PDE8A: variants seen among roughly 807,000 people sequenced by gnomAD.
The protein encoded by PDE8A is high affinity cAMP-specific and IBMX-insensitive 3',5'-cyclic phosphodiesterase 8A.
A neutral mutation model predicts 105.0 loss-of-function variants in PDE8A; 59 were observed. That is an observed-to-expected ratio of 0.56 (90% CI 0.46 to 0.70). The LOEUF is 0.70. Ranked by LOEUF, PDE8A falls within the 30% of genes least tolerant of loss-of-function variation. The pLI, the probability that PDE8A is intolerant of heterozygous loss-of-function variation, is 0.00. For synonymous variants in PDE8A, 355 were observed against 371.9 expected, an observed-to-expected ratio of 0.95 and a Z score of 0.52; for missense variants, 1,014 against 1,045.9, an observed-to-expected ratio of 0.97 and a Z score of 0.42.
intron 6 of PDE8A, among the ~76,000 whole-genome samples, chr15:85,084,491 A>C (rs2081517967): frequency 6.6e-6 from 1 of 152,210 alleles, no homozygotes; most frequent in African/African-American, 2.4e-5. Context: ...AGGAAACTTA[A>C]GGTAGATGGT....
At chr15:85,042,830 T>C (rs2080831293) in intron 1 of PDE8A, among the ~76,000 whole-genome samples, 1 of 152,236 alleles carries the variant, frequency 6.6e-6, no homozygotes, top group African/African-American at 2.4e-5. Context: ...AAGTGAAGCT[T>C]AGCAAAGTGA....
At chr15:85,027,186 T>C (rs946435242) in intron 1 of PDE8A, among the ~76,000 whole-genome samples, 5 of 152,188 alleles carry the variant, frequency 3.3e-5, no homozygotes, top group African/African-American at 9.7e-5. Context: ...GGAGAGTCAG[T>C]GTGCTGCAGA....
intron 1 of PDE8A, among the ~76,000 whole-genome samples, chr15:84,989,592 T>TG (rs2079854629): frequency 6.6e-6 from 1 of 152,184 alleles, no homozygotes; most frequent in African/African-American, 2.4e-5. Context: ...CATCAGGCTT[T>TG]GGCTATGTGA....
At chr15:85,094,030 T>A (rs72759058) in intron 8 of PDE8A, among the ~76,000 whole-genome samples, 14 of 152,260 alleles carry the variant, frequency 9.2e-5, no homozygotes, top group Non-Finnish European at 1.9e-4. Context: ...TGGCTAATTT[T>A]TTAAGCATAT....
intron 6 of PDE8A, among the ~76,000 whole-genome samples, 173 bp downstream of exon 6, chr15:85,083,817 A>G (rs2081505579): frequency 1.3e-5 from 2 of 152,214 alleles, no homozygotes; most frequent in East Asian, 1.9e-4. Flanking sequence ...GATGTCTAAT[A>G]AGGGGTCATT....
At chr15:85,126,747 T>C (rs2082264951) in intron 20 of PDE8A, among the ~76,000 whole-genome samples, 1 of 152,086 alleles carries the variant, frequency 6.6e-6, no homozygotes, top group African/African-American at 2.4e-5. Context: ...CATATGCACA[T>C]GCATATGCAT....
chr15:85,034,422 G>A (rs866951048), intron 1 of PDE8A, among the ~76,000 whole-genome samples: 16 of 152,230 alleles, frequency 1.1e-4, no homozygotes, highest in African/African-American at 2.9e-4. Flanking sequence ...TAAAACAAAT[G>A]TGGAGATTGA....
At chr15:84,997,145 C>G (rs1361821722) in intron 1 of PDE8A, among the ~76,000 whole-genome samples, 1 of 151,980 alleles carries the variant, frequency 6.6e-6, no homozygotes, top group Non-Finnish European at 1.5e-5. Context: ...ATAGCTGTAG[C>G]TAAGTATTTT....
intron 1 of PDE8A, among the ~76,000 whole-genome samples, chr15:85,051,161 C>T (rs2080966674): frequency 6.6e-6 from 1 of 151,980 alleles, no homozygotes; most frequent in Non-Finnish European, 1.5e-5. Context: ...GCCTTTGTGT[C>T]CTGATACTTT....
Position 85,138,540 on chromosome 15 carries a change from C to A in PDE8A, c.*637C>A, listed in dbSNP as rs1280105911. On this transcript the variant is annotated 3_prime_UTR_variant, in exon 22 of 22. Transcript: ENST00000394553. ...TGACCAAATTTACATGATTCATATT[C>A]ATTATGCATTACTTGGTATACAGAC... 6.6e-6 allele frequency: 1 copy of A among 152,606 alleles called. No individual in the cohort carries two copies. The highest frequency in any genetic ancestry group is 1.5e-5 in the Non-Finnish European group (1 of 68,038). 9.5% of individuals were successfully genotyped at this position (152,606 alleles called of 1,614,324 possible). A position where few individuals can be genotyped will look rare whatever the true frequency, so the allele number is the denominator to read the frequency against.
chr15:85,106,846 A>G (rs1019598890), intron 11 of PDE8A, among the ~76,000 whole-genome samples: 1 of 152,216 alleles, frequency 6.6e-6, no homozygotes, highest in Non-Finnish European at 1.5e-5. Context: ...CAGGGGAGCC[A>G]CAGAATCAGA....
chr15:85,073,910 G>A (rs763733950), intron 3 of PDE8A, among the ~76,000 whole-genome samples: 38 of 152,326 alleles, frequency 2.5e-4, no homozygotes, highest in Middle Eastern at 6.8e-3. Context: ...GGGGACCAGG[G>A]TTGAACTGGG....
At chr15:84,985,470 G>T (rs1001909504) in intron 1 of PDE8A, among the ~76,000 whole-genome samples, 3 of 152,080 alleles carry the variant, frequency 2.0e-5, no homozygotes, top group Admixed American at 2.0e-4. Flanking sequence ...ATATTTTCTT[G>T]CCAGTCTTTG....
intron 1 of PDE8A, among the ~76,000 whole-genome samples, chr15:85,017,134 G>A (rs1353396551): frequency 4.0e-5 from 6 of 151,388 alleles, no homozygotes; most frequent in Non-Finnish European, 8.8e-5. Context: ...GGTGGCGGGC[G>A]CCTGTAGTCC....
At chr15:85,011,111 A>C (rs946699362) in intron 1 of PDE8A, among the ~76,000 whole-genome samples, 1 of 152,120 alleles carries the variant, frequency 6.6e-6, no homozygotes, top group Non-Finnish European at 1.5e-5. Context: ...AAGTATCATA[A>C]ATATCCTCTA....
intron 3 of PDE8A, among the ~76,000 whole-genome samples, chr15:85,071,407 G>C (rs1325390579): frequency 2.0e-5 from 3 of 152,250 alleles, no homozygotes; most frequent in Non-Finnish European, 4.4e-5. Flanking sequence ...CATCTACTCA[G>C]AAACCCAAGG....
At chr15:85,083,919 G>A (rs1222331588) in intron 6 of PDE8A, among the ~76,000 whole-genome samples, 1 of 152,144 alleles carries the variant, frequency 6.6e-6, no homozygotes, top group East Asian at 1.9e-4. Flanking sequence ...TGGATTATCT[G>A]TTTTGTTTTC....
chr15:85,119,458 ACTCTCGTCT>A (rs2082145337), intron 17 of PDE8A, among the ~76,000 whole-genome samples: 1 of 148,738 alleles, frequency 6.7e-6, no homozygotes, highest in South Asian at 2.1e-4. Flanking sequence ...ACAGAGCAAG[ACTCTCGTCT>A]CAAAAAAAAA....
chr15:85,070,726 A>G (rs181451857), intron 3 of PDE8A, among the ~76,000 whole-genome samples: 1 of 152,340 alleles, frequency 6.6e-6, no homozygotes, highest in East Asian at 1.9e-4. Context: ...CGTGAACCAA[A>G]TGATGAAGGC....
Sources: allele counts gnomAD v4.1 joint callset (sites outside exome capture counted in the v4.1 genomes callset), GRCh38; gene constraint gnomAD v4.1.1; transcripts MANE v1.5; gene names NCBI Gene and HGNC (gene_info 2026-07-23, HGNC 2026-07-21).